The following MCF2L2 variants were observed in gnomAD, a reference collection of about 807,000 sequenced individuals.
MCF2L2 encodes the protein MCF.2 cell line derived transforming sequence-like 2.
MCF2L2 carries 102 observed loss-of-function variants against 150.2 expected under a neutral mutation model. That is an observed-to-expected ratio of 0.68 (90% CI 0.58 to 0.80). The LOEUF (loss-of-function observed/expected upper bound fraction) is 0.80, where lower values mean the gene tolerates loss of function less well. Among genes scored for constraint, MCF2L2 ranks in the 30% least tolerant of loss-of-function variants. The pLI, the probability that MCF2L2 is intolerant of heterozygous loss-of-function variation, is 0.00. For synonymous variants in MCF2L2, 465 were observed against 491.3 expected, an observed-to-expected ratio of 0.95 and a Z score of 0.71; for missense variants, 1,256 against 1,372.8, an observed-to-expected ratio of 0.91 and a Z score of 1.34.
At chr3:183,413,060 C>T (rs1715404268) in intron 1 of MCF2L2, among the ~76,000 whole-genome samples, 1 of 152,162 alleles carries the variant, frequency 6.6e-6, no homozygotes, top group South Asian at 2.1e-4. Flanking sequence ...ACCTTACATT[C>T]CTAGGAAAAA....
chr3:183,192,285 C>T (rs1202730359), intron 27 of MCF2L2, among the ~76,000 whole-genome samples: 1 of 152,068 alleles, frequency 6.6e-6, no homozygotes, highest in Admixed American at 6.6e-5. Context: ...ATTACAGGTG[C>T]ACACCACCAC....
chr3:183,419,362 T>C (rs1715760954), intron 1 of MCF2L2, among the ~76,000 whole-genome samples: 2 of 152,228 alleles, frequency 1.3e-5, no homozygotes, highest in Admixed American at 1.3e-4. Context: ...CCCCATTATC[T>C]TGGCTATTAA....
At chr3:183,359,274 G>A (rs74602848) in intron 3 of MCF2L2, among the ~76,000 whole-genome samples, 26 of 152,288 alleles carry the variant, frequency 1.7e-4, no homozygotes, top group East Asian at 9.7e-4. Context: ...GCAAAAGCTC[G>A]TGTGCTCACT....
chr3:183,370,154 A>G (rs1014769545), intron 3 of MCF2L2, among the ~76,000 whole-genome samples: 2 of 152,266 alleles, frequency 1.3e-5, no homozygotes, highest in African/African-American at 4.8e-5. Flanking sequence ...CTGAAAGCCA[A>G]GCTACAAGTT....
At chr3:183,222,855 CAGAG>C (rs141782731) in intron 20 of MCF2L2, among the ~76,000 whole-genome samples, 13 of 150,960 alleles carry the variant, frequency 8.6e-5, no homozygotes, top group African/African-American at 2.9e-4. Flanking sequence ...GGGTAAAGGT[CAGAG>C]AGAGAGAGAG....
intron 1 of MCF2L2, among the ~76,000 whole-genome samples, chr3:183,394,704 T>C (rs936544849): frequency 1.3e-5 from 2 of 152,256 alleles, no homozygotes; most frequent in African/African-American, 2.4e-5. Context: ...GAAGGAAATT[T>C]AAAGATTTTA....
chr3:183,297,542 G>A (rs1176985407), intron 11 of MCF2L2: 1 of 178,792 alleles, frequency 5.6e-6, no homozygotes, highest in Non-Finnish European at 1.2e-5. Flanking sequence ...AGCCTGGAGA[G>A]GTCTACCCCA....
chr3:183,266,952 A>G (rs1349804009), intron 15 of MCF2L2, among the ~76,000 whole-genome samples: 1 of 151,870 alleles, frequency 6.6e-6, no homozygotes, highest in Non-Finnish European at 1.5e-5. Flanking sequence ...ACACCCGGCT[A>G]ATTTTTGAAT....
At chr3:183,350,420 T>TAA (rs1320794514) in intron 3 of MCF2L2, among the ~76,000 whole-genome samples, 1 of 152,166 alleles carries the variant, frequency 6.6e-6, no homozygotes, top group Non-Finnish European at 1.5e-5. Flanking sequence ...ACTTGGTTTT[T>TAA]ACCCCTCTTG....
intron 5 of MCF2L2, among the ~76,000 whole-genome samples, chr3:183,326,854 C>T (rs535503808): frequency 3.3e-5 from 5 of 152,148 alleles, no homozygotes; most frequent in Non-Finnish European, 7.4e-5. Context: ...AAATCCCTCC[C>T]TGAACCCCGG....
chr3:183,416,322 T>A (rs1277745595), intron 1 of MCF2L2, among the ~76,000 whole-genome samples: 1 of 152,194 alleles, frequency 6.6e-6, no homozygotes, highest in African/African-American at 2.4e-5. Flanking sequence ...TTAACCTTAT[T>A]TACTATTCCT....
At chr3:183,370,456 A>G (rs1712803583) in intron 3 of MCF2L2, among the ~76,000 whole-genome samples, 2 of 152,246 alleles carry the variant, frequency 1.3e-5, no homozygotes, top group African/African-American at 4.8e-5. Context: ...CAAATTCCAG[A>G]TGTTTACAAT....
At chr3:183,204,015 T>C (rs4630966) in intron 25 of MCF2L2, among the ~76,000 whole-genome samples, 31,922 of 152,044 alleles carry the variant, frequency 0.21, 4,065 homozygotes, top group South Asian at 0.36. Flanking sequence ...CCATTCAAAG[T>C]GGGGAAAGAA....
At position 183,205,931 on chromosome 3, in the gene MCF2L2, GTC is replaced by G; in HGVS notation, c.2827_2828del (p.Asp943LeufsTer8). 1.2e-6 allele frequency: 2 copies of G among 1,613,988 alleles called. No homozygotes were observed. Among genetic ancestry groups the G allele is most frequent in the Non-Finnish European group, 1.7e-6 (2 of 1,179,878 alleles). ...ILQAASKEIR[D>X]CWFSEISKLL... The stretch of plus-strand genomic sequence containing the variant: ...ATTTACTTATTTCTGAAAACCAACA[GTC>G]TCTGATTTCTTTTGAAGCTGCCTGC... On this transcript the variant is annotated frameshift_variant, in exon 25 of 30. Coordinates refer to ENST00000328913, the MANE Select transcript of MCF2L2 (RefSeq NM_015078.4). LOFTEE classifies it high-confidence loss of function.
At chr3:183,395,785 G>C (rs1051645593) in intron 1 of MCF2L2, among the ~76,000 whole-genome samples, 7 of 151,938 alleles carry the variant, frequency 4.6e-5, no homozygotes, top group African/African-American at 1.2e-4. Flanking sequence ...CAGTGTCGTG[G>C]CACGTGCGTG....
chr3:183,201,821 G>GT (rs1722296693), intron 25 of MCF2L2, among the ~76,000 whole-genome samples: 1 of 152,178 alleles, frequency 6.6e-6, no homozygotes, highest in Admixed American at 6.5e-5. Context: ...TTTATTGAGA[G>GT]TTTTTAGCAT....
At chr3:183,269,014 TA>T (rs1258675593) in intron 15 of MCF2L2, among the ~76,000 whole-genome samples, 1 of 150,668 alleles carries the variant, frequency 6.6e-6, no homozygotes. Flanking sequence ...AACCTTAATT[TA>T]AAAAAAAAGA....
intron 25 of MCF2L2, among the ~76,000 whole-genome samples, chr3:183,196,769 C>T (rs946651660): frequency 6.6e-6 from 1 of 152,196 alleles, no homozygotes; most frequent in African/African-American, 2.4e-5. Flanking sequence ...TGGCACAACA[C>T]CTCTGGGCCT....
At chr3:183,396,775 T>C (rs1057111425) in intron 1 of MCF2L2, among the ~76,000 whole-genome samples, 3 of 152,052 alleles carry the variant, frequency 2.0e-5, no homozygotes, top group African/African-American at 7.2e-5. Context: ...CATGCAATAA[T>C]ATGGAATAGT....
Sources: allele counts gnomAD v4.1 joint callset (sites outside exome capture counted in the v4.1 genomes callset), GRCh38; gene constraint gnomAD v4.1.1; transcripts MANE v1.5; gene names NCBI Gene and HGNC (gene_info 2026-07-23, HGNC 2026-07-21).